Variants in TSNARE1 observed in about 807,000 individuals in gnomAD.
TSNARE1 encodes t-SNARE domain-containing protein 1.
A neutral mutation model predicts 62.0 loss-of-function variants in TSNARE1; 49 were observed. That is an observed-to-expected ratio of 0.79 (90% CI 0.63 to 1.00). The LOEUF is 1.00. Ranked by LOEUF, TSNARE1 falls within the 50% of genes least tolerant of loss-of-function variation. The pLI is 0.00. For missense variants in TSNARE1, 755 were observed against 700.1 expected (o/e 1.08, Z -0.88); for synonymous variants, 328 against 294.4 (o/e 1.11, Z -1.17).
intron 1 of TSNARE1, among the ~76,000 whole-genome samples, chr8:142,394,819 C>A (rs895777393): frequency 2.6e-5 from 4 of 152,208 alleles, no homozygotes; most frequent in Non-Finnish European, 2.9e-5. Context: ...CGTGCCTGTC[C>A]ACGTCCCTGT....
upstream of TSNARE1, chr8:142,406,349 G>C (rs1226504501): frequency 2.6e-5 from 4 of 152,276 alleles, no homozygotes; most frequent in Non-Finnish European, 4.4e-5. Context: ...AAGCTCACGG[G>C]AGTGGGACAT....
chr8:142,299,733 C>A (rs553891791), intron 10 of TSNARE1, among the ~76,000 whole-genome samples: 12 of 152,294 alleles, frequency 7.9e-5, no homozygotes, highest in African/African-American at 2.9e-4. Context: ...CATGCACGCA[C>A]ACACGTGCAC....
chr8:142,231,299 T>C (rs1000509109), intron 12 of TSNARE1, among the ~76,000 whole-genome samples: 4 of 152,208 alleles, frequency 2.6e-5, no homozygotes, highest in African/African-American at 4.8e-5. Flanking sequence ...AAAGAGACCT[T>C]CCCAGGCTTC....
chr8:142,300,522 G>C lies in TSNARE1; in HGVS notation c.1254C>G (p.Ala418=), dbSNP rs1360324821. Residue 418 remains alanine, a synonymous_variant, in exon 10 of 14, where the codon GCC becomes GCG. Transcript: ENST00000524325. ...GGATGGCCTCCTCCCGCAGCCGGAT[G>C]GCCTCCAGGTCCTCTTCAGTGATGT... The part of the protein sequence containing the change: ...LPDITEEDLE[A]IRLREEAILQ... 8.7e-6 allele frequency: 14 copies of C among 1,609,722 alleles called. No homozygotes were observed. The highest frequency in any genetic ancestry group is 1.2e-5 in the Non-Finnish European group (14 of 1,179,670).
chr8:142,346,988 C>A (rs957730099), intron 2 of TSNARE1, among the ~76,000 whole-genome samples: 1 of 152,218 alleles, frequency 6.6e-6, no homozygotes, highest in Non-Finnish European at 1.5e-5. Context: ...CTCCTGCCCC[C>A]AGACAGCACT....
chr8:142,318,449 C>T, intron 7 of TSNARE1, 95 bp downstream of exon 7: 1 of 1,257,738 alleles, frequency 8.0e-7, no homozygotes, highest in Middle Eastern at 1.9e-4. Flanking sequence ...ACGTCAGCCT[C>T]CCTGTATCCT....
chr8:142,299,531 T>TC (rs983111522), intron 10 of TSNARE1, among the ~76,000 whole-genome samples: 6 of 151,992 alleles, frequency 3.9e-5, no homozygotes, highest in African/African-American at 1.2e-4. Context: ...ACAGAGCGTG[T>TC]CCCCCCCACG....
chr8:142,216,513 A>G (rs1471519366), intron 13 of TSNARE1, among the ~76,000 whole-genome samples: 1 of 152,210 alleles, frequency 6.6e-6, no homozygotes, highest in African/African-American at 2.4e-5. Context: ...ATTGGCTCTC[A>G]GGGAGATGAG....
chr8:142,330,268 C>A (rs1233535334), intron 6 of TSNARE1, among the ~76,000 whole-genome samples: 1 of 152,212 alleles, frequency 6.6e-6, no homozygotes, highest in Non-Finnish European at 1.5e-5. Context: ...TAACCACACC[C>A]AGGGCAGGTG....
rs74851190 is a variant in TSNARE1, at chr8:142,352,459, C to T, written c.88+2178G>A. On this transcript the variant is annotated intron_variant, in intron 2 of 13. Transcript: ENST00000524325. ...GGCTGCAGGTGGCCCAGCCCAGGAA[C>T]GCCACGCCCCGTGTACCTGCAGAGG... 9.9e-3 allele frequency among the ~76,000 whole-genome samples: 1,506 copies of T among 152,370 alleles called. 13 individuals are homozygous for T. The highest frequency in any genetic ancestry group is 0.021 in the East Asian group (107 of 5,184).
intron 12 of TSNARE1, chr8:142,271,628 C>T: frequency 7.0e-7 from 1 of 1,428,368 alleles, no homozygotes; most frequent in Non-Finnish European, 9.1e-7. Context: ...TTCAGGCAGG[C>T]TGGGCCCTTC....
intron 6 of TSNARE1, among the ~76,000 whole-genome samples, chr8:142,320,313 C>T (rs1829288619): frequency 6.6e-6 from 1 of 152,184 alleles, no homozygotes; most frequent in South Asian, 2.1e-4. Flanking sequence ...CGGGTGGCCT[C>T]CCGCATCTGC....
chr8:142,401,099 C>T (rs910884788), intron 1 of TSNARE1, among the ~76,000 whole-genome samples: 4 of 152,164 alleles, frequency 2.6e-5, no homozygotes, highest in African/African-American at 7.2e-5. Context: ...AAGGTGACTC[C>T]CCAACTCCGC....
At chr8:142,289,505 C>T (rs1420287064) in intron 10 of TSNARE1, among the ~76,000 whole-genome samples, 1 of 152,212 alleles carries the variant, frequency 6.6e-6, no homozygotes, top group Non-Finnish European at 1.5e-5. Flanking sequence ...GCTCAGGGCA[C>T]AGGCAGCCCC....
At chr8:142,382,561 C>A (rs976464200) in intron 1 of TSNARE1, among the ~76,000 whole-genome samples, 2 of 152,158 alleles carry the variant, frequency 1.3e-5, no homozygotes, top group Non-Finnish European at 2.9e-5. Flanking sequence ...AAGAGTCATG[C>A]TGTGCCCTCA....
At chr8:142,314,325 C>T (rs974405250) in intron 9 of TSNARE1, 59 bp downstream of exon 9, 18 of 1,514,132 alleles carry the variant, frequency 1.2e-5, no homozygotes, top group Non-Finnish European at 1.6e-5. Flanking sequence ...GCACAGATGG[C>T]AGCGGATTCT....
chr8:142,256,382 T>TTCCTAC (rs1181129270), intron 12 of TSNARE1, among the ~76,000 whole-genome samples: 17 of 876 alleles, frequency 0.019, no homozygotes, highest in South Asian at 0.045. Context: ...ACCACCATCA[T>TTCCTAC]CATCACCAAT....
intron 11 of TSNARE1, among the ~76,000 whole-genome samples, chr8:142,281,042 G>A (rs958880132): frequency 4.6e-5 from 7 of 152,184 alleles, no homozygotes; most frequent in African/African-American, 1.7e-4. Context: ...GGAAGAGGAC[G>A]CCAGCTGCCT....
intron 6 of TSNARE1, among the ~76,000 whole-genome samples, chr8:142,330,267 C>T (rs1184171285): frequency 1.3e-5 from 2 of 152,330 alleles, no homozygotes; most frequent in South Asian, 2.1e-4. Context: ...CTAACCACAC[C>T]CAGGGCAGGT....
Sources: allele counts gnomAD v4.1 joint callset (sites outside exome capture counted in the v4.1 genomes callset), GRCh38; gene constraint gnomAD v4.1.1; transcripts MANE v1.5; gene names NCBI Gene and HGNC (gene_info 2026-07-23, HGNC 2026-07-21).